Variants in PIP4K2B observed in about 807,000 individuals in gnomAD.
PIP4K2B encodes the protein phosphatidylinositol-5-phosphate 4-kinase type 2 beta, also known as phosphatidylinositol 5-phosphate 4-kinase type-2 beta.
PIP4K2B carries 3 observed loss-of-function variants against 42.0 expected under a neutral mutation model. That is an observed-to-expected ratio of 0.07 (90% CI 0.03 to 0.18). The LOEUF is 0.18. Among genes scored for constraint, PIP4K2B ranks in the 10% least tolerant of loss-of-function variants. The pLI is 1.00. For synonymous variants in PIP4K2B, 204 were observed against 210.1 expected (o/e 0.97, Z 0.25); for missense variants, 332 against 562.3 (o/e 0.59, Z 4.14).
intron 1 of PIP4K2B, among the ~76,000 whole-genome samples, chr17:38,789,322 C>G (rs374132635): frequency 6.6e-6 from 1 of 152,224 alleles, no homozygotes; most frequent in Non-Finnish European, 1.5e-5. Flanking sequence ...TTCCCCACCT[C>G]GAGTTTAGCC....
chr17:38,770,375 T>A, intron 9 of PIP4K2B, 61 bp downstream of exon 9: 1 of 976,076 alleles, frequency 1.0e-6, no homozygotes, highest in Non-Finnish European at 1.6e-6. Flanking sequence ...CCCTGGGGTC[T>A]GAGGGTAAGC....
chr17:38,793,362 G>C (rs1442745690), intron 1 of PIP4K2B, among the ~76,000 whole-genome samples: 2 of 151,250 alleles, frequency 1.3e-5, no homozygotes, highest in African/African-American at 4.9e-5. Context: ...TCCTGCCTCA[G>C]CCTCCCGAGT....
At chr17:38,792,265 C>T (rs901950857) in intron 1 of PIP4K2B, among the ~76,000 whole-genome samples, 6 of 152,102 alleles carry the variant, frequency 3.9e-5, no homozygotes, top group African/African-American at 1.4e-4. Flanking sequence ...TCTCCCATCT[C>T]AGCCTCCCTA....
intron 1 of PIP4K2B, among the ~76,000 whole-genome samples, chr17:38,796,218 A>G (rs140254365): frequency 3.2e-3 from 484 of 152,354 alleles, no homozygotes; most frequent in Non-Finnish European, 5.9e-3. Context: ...TAAAAAGACA[A>G]TAACAAGTGT....
At chr17:38,790,566 C>A (rs535055662) in intron 1 of PIP4K2B, among the ~76,000 whole-genome samples, 2 of 152,336 alleles carry the variant, frequency 1.3e-5, no homozygotes, top group East Asian at 3.9e-4. Flanking sequence ...TCAAGCGATT[C>A]TCCTGCCTCA....
intron 3 of PIP4K2B, among the ~76,000 whole-genome samples, chr17:38,781,966 C>T (rs972237365): frequency 6.6e-6 from 1 of 152,060 alleles, no homozygotes; most frequent in Non-Finnish European, 1.5e-5. Context: ...GCATGCACCA[C>T]CATGCCCGGC....
chr17:38,795,760 A>T (rs541212617), intron 1 of PIP4K2B, among the ~76,000 whole-genome samples: 1 of 150,974 alleles, frequency 6.6e-6, no homozygotes, highest in East Asian at 2.0e-4. Flanking sequence ...CAAGAAAAAA[A>T]AAAAAAGAAA....
At chr17:38,795,155 G>C (rs1416303772) in intron 1 of PIP4K2B, among the ~76,000 whole-genome samples, 1 of 148,162 alleles carries the variant, frequency 6.7e-6, no homozygotes, top group Non-Finnish European at 1.5e-5. Context: ...CAATGAATAG[G>C]ATAAAATATT....
chr17:38,778,890 C>T (rs1367376781), intron 5 of PIP4K2B, among the ~76,000 whole-genome samples: 1 of 152,142 alleles, frequency 6.6e-6, no homozygotes, highest in Admixed American at 6.5e-5. Context: ...ATGTGAAATC[C>T]TGGGAAGAGG....
Position 38,768,676 on chromosome 17 carries a change from G to A in PIP4K2B, c.*1015C>T, listed in dbSNP as rs915173837. On this transcript the variant is annotated 3_prime_UTR_variant, in exon 10 of 10. Transcript: ENST00000619039. ...GCTAAGAGTTCGGCTAGAAGTAAGA[G>A]TGCCTGGGAGGAGGTCAGAAGGAAG... 3 of 152,252 alleles carry A rather than the reference G, an allele frequency of 2.0e-5. No individual in the cohort carries two copies. Among genetic ancestry groups the A allele is most frequent in the Non-Finnish European group, 4.4e-5 (3 of 68,060 alleles). The allele number at this position is 152,252 out of a possible 1,614,324, so 9.4% of individuals were successfully genotyped here. A position where few individuals can be genotyped will look rare whatever the true frequency, so the allele number is the denominator to read the frequency against.
intron 2 of PIP4K2B, among the ~76,000 whole-genome samples, chr17:38,785,723 G>A (rs550748782): frequency 6.6e-6 from 1 of 152,248 alleles, no homozygotes; most frequent in South Asian, 2.1e-4. Flanking sequence ...ACAGTTGTTG[G>A]AAGGACAAAA....
Position 38,779,518 on chromosome 17 carries a change from C to T in PIP4K2B, c.519G>A (p.Glu173=), listed in dbSNP as rs201790192. ...ILKKYHQFIV[E]CHGNTLLPQF... is the part of the protein sequence containing the mutation. ...GTGGCAAAAGCGTGTTGCCATGACA[C>T]TCCACTATAAACTAGAATGGAAAGG... The change falls in exon 5 of 10, where the codon GAG becomes GAA. Residue 173 remains glutamate (E), a synonymous_variant. Coordinates refer to ENST00000619039, the MANE Select transcript of PIP4K2B (RefSeq NM_003559.5). 6.2e-7 allele frequency: 1 copy of T among 1,613,734 alleles called. No individual in the cohort carries two copies.
At chr17:38,785,586 G>A (rs751700917) in intron 2 of PIP4K2B, among the ~76,000 whole-genome samples, 1 of 152,222 alleles carries the variant, frequency 6.6e-6, no homozygotes, top group Non-Finnish European at 1.5e-5. Context: ...GCCTGAGGCA[G>A]CAGAATCACT....
intron 7 of PIP4K2B, 130 bp downstream of exon 7, chr17:38,777,557 G>A (rs889993791): frequency 7.3e-6 from 5 of 681,210 alleles, no homozygotes; most frequent in Non-Finnish European, 1.1e-5. Context: ...AAGTGCCCAC[G>A]CTGCTCAAAT....
At chr17:38,790,776 C>T (rs1055664311) in intron 1 of PIP4K2B, among the ~76,000 whole-genome samples, 3 of 152,172 alleles carry the variant, frequency 2.0e-5, no homozygotes, top group Admixed American at 2.0e-4. Context: ...AAATTTTTAA[C>T]TCAGCTAACA....
In PIP4K2B at chr17:38,767,767, A is replaced by C. The variant is rs1320204050; in HGVS notation, c.*1924T>G. ...TTCCATTCTTCATTATGACGTGGGG[A>C]AATCAAGTCCAAACATTATTCCTAC... On this transcript the variant is annotated 3_prime_UTR_variant, in exon 10 of 10. Coordinates refer to ENST00000619039, the MANE Select transcript of PIP4K2B (RefSeq NM_003559.5). The C allele has an allele frequency of 6.6e-6, 1 of 152,240 alleles. No homozygotes were observed. Among genetic ancestry groups the C allele is most frequent in the Admixed American group, 6.5e-5 (1 of 15,288 alleles). The allele number at this position is 152,240 out of a possible 1,614,324, so 9.4% of individuals were successfully genotyped here. A position where few individuals can be genotyped will look rare whatever the true frequency, so the allele number is the denominator to read the frequency against.
intron 7 of PIP4K2B, among the ~76,000 whole-genome samples, chr17:38,774,684 G>T (rs1019124355): frequency 1.3e-5 from 2 of 151,770 alleles, no homozygotes; most frequent in African/African-American, 2.4e-5. Flanking sequence ...GCAGGAGAAT[G>T]GCGTGAACCC....
chr17:38,785,951 G>C (rs1909986491), intron 2 of PIP4K2B, among the ~76,000 whole-genome samples: 1 of 152,124 alleles, frequency 6.6e-6, no homozygotes, highest in Admixed American at 6.6e-5. Flanking sequence ...TCCCTCCTTA[G>C]GTGGCCACTT....
At chr17:38,774,266 C>T (rs1294218681) in intron 7 of PIP4K2B, among the ~76,000 whole-genome samples, 1 of 152,114 alleles carries the variant, frequency 6.6e-6, no homozygotes, top group African/African-American at 2.4e-5. Flanking sequence ...AGCAGATGGC[C>T]CTCCCCAGTG....
Sources: gnomAD v4.1 joint callset for allele counts (sites outside exome capture counted in the v4.1 genomes callset) on GRCh38, gnomAD v4.1.1 for gene constraint, MANE v1.5 for transcripts, NCBI Gene and HGNC (gene_info 2026-07-23, HGNC 2026-07-21) for gene names.